The following PLEKHG7 variants were observed in gnomAD, a reference collection of about 807,000 sequenced individuals.
The protein encoded by PLEKHG7 is pleckstrin homology and RhoGEF domain containing G7.
PLEKHG7 carries 77 observed loss-of-function variants against 85.2 expected under a neutral mutation model. The observed-to-expected ratio is 0.90, with a 90% CI of 0.75 to 1.09. The LOEUF is 1.09. Ranked by LOEUF, PLEKHG7 falls within the 50% of genes least tolerant of loss-of-function variation. The probability of loss-of-function intolerance (pLI) is 0.00; values close to 1 mark genes in which losing one functional copy is unlikely to be tolerated. For missense variants in PLEKHG7, 777 were observed against 804.3 expected (o/e 0.97, Z 0.41); for synonymous variants, 301 against 302.4 (o/e 1.00, Z 0.05).
Position 92,755,851 on chromosome 12 carries a change from C to G in PLEKHG7, c.1453C>G (p.Leu485Val). 2 of 1,613,352 alleles carry G rather than the reference C, an allele frequency of 1.2e-6. No homozygotes were observed. The highest frequency in any genetic ancestry group is 1.7e-6 in the Non-Finnish European group (2 of 1,179,576). ...IRDLEGKVKW[L>V]DNFQKFRYLQ... ...GGACCTTGAAGGAAAAGTGAAGTGG[C>G]TGGACAATTTCCAAAAATTTAGATA... The change falls in exon 12 of 17, where the codon CTG becomes GTG. Residue 485 changes from leucine to valine, a missense_variant. Physicochemically the swap from Leu to Val is conservative, Grantham distance 32. This residue lies in a region of PLEKHG7 where 520 missense variants were observed against 544.0 expected (regional missense o/e 0.96). Transcript: ENST00000344636.
chr12:92,738,036 G>A (rs144407928), intron 7 of PLEKHG7, among the ~76,000 whole-genome samples: 25 of 152,226 alleles, frequency 1.6e-4, no homozygotes, highest in Non-Finnish European at 2.5e-4. Context: ...ATCTTTGCTC[G>A]GCTTTCTCTC....
At chr12:92,732,149 AG>A (rs1463127830) in intron 4 of PLEKHG7, 83 bp from the exon 5 acceptor site, 3 of 792,626 alleles carry the variant, frequency 3.8e-6, no homozygotes, top group Non-Finnish European at 5.1e-6. Flanking sequence ...ATTTTCAAAA[AG>A]CAGGTTTTGT....
intron 3 of PLEKHG7, 79 bp downstream of exon 3, chr12:92,707,751 T>C (rs1871279776): frequency 6.2e-7 from 1 of 1,604,318 alleles, no homozygotes; most frequent in African/African-American, 1.3e-5. Context: ...TGTCCTGACA[T>C]AACAAAGCTG....
At chr12:92,708,012 T>C in intron 3 of PLEKHG7, 1 of 323,956 alleles carries the variant, frequency 3.1e-6, no homozygotes, top group South Asian at 5.5e-5. Context: ...TGCAACAGCT[T>C]TTCAAAGAAA....
At chr12:92,768,368 G>A (rs1783233222) in intron 15 of PLEKHG7, among the ~76,000 whole-genome samples, 1 of 152,128 alleles carries the variant, frequency 6.6e-6, no homozygotes, top group African/African-American at 2.4e-5. Flanking sequence ...GGAAATGACA[G>A]AACAGGCTTT....
chr12:92,720,732 C>G (rs1871615604), intron 3 of PLEKHG7, among the ~76,000 whole-genome samples: 1 of 152,148 alleles, frequency 6.6e-6, no homozygotes, highest in Non-Finnish European at 1.5e-5. Context: ...TCTACTAAGA[C>G]CCTTTTTACA....
intron 4 of PLEKHG7, among the ~76,000 whole-genome samples, chr12:92,731,510 C>A (rs1271838863): frequency 6.6e-6 from 1 of 152,178 alleles, no homozygotes; most frequent in East Asian, 1.9e-4. Flanking sequence ...GAACATGCCA[C>A]CCACACCTAA....
At chr12:92,706,334 G>A (rs1236483346) in intron 1 of PLEKHG7, 137 bp from the exon 2 acceptor site, 9 of 273,868 alleles carry the variant, frequency 3.3e-5, no homozygotes, top group African/African-American at 1.1e-4. Context: ...TCTTCTGAAC[G>A]TAAAGGATGC....
intron 4 of PLEKHG7, among the ~76,000 whole-genome samples, chr12:92,731,765 T>C (rs1007214714): frequency 3.9e-5 from 6 of 152,192 alleles, no homozygotes; most frequent in Non-Finnish European, 8.8e-5. Context: ...ATCTGGGGAT[T>C]ATGAGTGAAT....
chr12:92,756,463 A>C (rs1039823315), intron 13 of PLEKHG7, 72 bp downstream of exon 13: 1 of 1,185,836 alleles, frequency 8.4e-7, no homozygotes, highest in Non-Finnish European at 1.3e-6. Flanking sequence ...CCAGTAATTG[A>C]AGAGCAGGAG....
At position 92,750,893 on chromosome 12, in the gene PLEKHG7, T is replaced by C. The variant is rs1042820109; in HGVS notation, c.1252-3197T>C. Among the ~76,000 whole-genome samples, 7 of 152,118 alleles carry C rather than the reference T, an allele frequency of 4.6e-5. No individual in the cohort carries two copies. In the South Asian group the frequency reaches 1.5e-3, roughly 32 times the overall value. On this transcript the variant is annotated intron_variant, in intron 10 of 16. Coordinates refer to ENST00000344636, the MANE Select transcript of PLEKHG7 (RefSeq NM_001377329.1). ...AGTCTGAGGTTGCAGTCAGCCATGA[T>C]TGGACCACTGCACTTAGCCTGGGTG...
intron 3 of PLEKHG7, among the ~76,000 whole-genome samples, chr12:92,727,834 G>A (rs960057301): frequency 4.0e-5 from 6 of 151,378 alleles, no homozygotes; most frequent in African/African-American, 1.2e-4. Context: ...CAGATGATAC[G>A]CTCACCTTGG....
chr12:92,768,114 A>G (rs1873267233), intron 15 of PLEKHG7, among the ~76,000 whole-genome samples: 1 of 152,026 alleles, frequency 6.6e-6, no homozygotes, highest in Non-Finnish European at 1.5e-5. Context: ...AGGCTGAAGC[A>G]GGAGAACCAT....
intron 3 of PLEKHG7, among the ~76,000 whole-genome samples, chr12:92,728,735 G>A (rs535459806): frequency 6.6e-6 from 1 of 152,028 alleles, no homozygotes; most frequent in African/African-American, 2.4e-5. Flanking sequence ...TTTATATTAT[G>A]ATTTCTTTTC....
chr12:92,761,454 G>A (rs1214462383), intron 13 of PLEKHG7, among the ~76,000 whole-genome samples: 1 of 151,878 alleles, frequency 6.6e-6, no homozygotes, highest in African/African-American at 2.4e-5. Flanking sequence ...ATTGAGGCAG[G>A]CAGCTTTCTG....
chr12:92,751,099 C>G (rs1872679686), intron 10 of PLEKHG7, among the ~76,000 whole-genome samples: 2 of 152,172 alleles, frequency 1.3e-5, no homozygotes, highest in African/African-American at 4.8e-5. Flanking sequence ...TCAGGCAGCC[C>G]ATAACACAAC....
intron 13 of PLEKHG7, 78 bp from the exon 14 acceptor site, chr12:92,761,659 AAAGAAAGAAAGAAAG>A: frequency 7.6e-7 from 1 of 1,316,750 alleles, no homozygotes; most frequent in Non-Finnish European, 9.9e-7. Flanking sequence ...AGAAAGAAAG[AAAGAAAGAAAGAAAG>A]AAAGAAAGAA....
chr12:92,713,316 C>T (rs1226411186), intron 3 of PLEKHG7, among the ~76,000 whole-genome samples: 2 of 152,138 alleles, frequency 1.3e-5, no homozygotes, highest in Non-Finnish European at 2.9e-5. Flanking sequence ...AAGTTTTCTG[C>T]TTATGAAAAT....
chr12:92,703,142 G>A lies in PLEKHG7; in HGVS notation c.-162+10G>A, dbSNP rs751153688. 1 of 152,290 alleles carries A rather than the reference G, an allele frequency of 6.6e-6. No individual in the cohort carries two copies. Among genetic ancestry groups the A allele is most frequent in the African/African-American group, 2.4e-5 (1 of 41,452 alleles). The allele number at this position is 152,290 out of a possible 1,614,324, so 9.4% of individuals were successfully genotyped here. The stretch of plus-strand genomic sequence containing the variant: ...ACAGACCATCTTACAGGTATTAAAG[G>A]CAACATTCAGCTGCTTTCTGGGTTT... On this transcript the variant is annotated intron_variant, in intron 1 of 16. Transcript: ENST00000344636.
Sources: gnomAD v4.1 joint callset for allele counts (sites outside exome capture counted in the v4.1 genomes callset) on GRCh38, gnomAD v4.1.1 for gene constraint, gnomAD v4.1.1 regional missense constraint, MANE v1.5 for transcripts, NCBI Gene and HGNC (gene_info 2026-07-23, HGNC 2026-07-21) for gene names.